GRTP1: variants seen among roughly 807,000 people sequenced by gnomAD.
GRTP1 encodes growth hormone regulated TBC protein 1.
Under a neutral mutation model 38.1 loss-of-function variants are expected in GRTP1, and 56 were observed. The ratio of observed to expected loss-of-function variants is 1.47; its 90% CI spans 1.19 to 1.84. The LOEUF (loss-of-function observed/expected upper bound fraction) is 1.84. GRTP1 is among the 40% of genes most tolerant of loss of function. The pLI, the probability that GRTP1 is intolerant of heterozygous loss-of-function variation, is 0.00. For synonymous variants in GRTP1, 217 were observed against 189.5 expected (o/e 1.14, Z -1.19); for missense variants, 506 against 453.9 (o/e 1.11, Z -1.04).
In GRTP1 at chr13:113,325,835, CCGA is replaced by C. The variant is rs533741127; in HGVS notation, c.744_746del (p.Arg249del). ...CTTCGTTAAACAAACAGTCCCAGATCCGAAGCACTGTCTGCAGAGACATGGGAA... is the reference window on the plus strand; with the variant it reads ...CTTCGTTAAACAAACAGTCCCAGATCAGCACTGTCTGCAGAGACATGGGAA... On this transcript the variant is annotated inframe_deletion, in exon 7 of 8. Transcript: ENST00000375431. 1.8e-4 allele frequency: 284 copies of C among 1,614,034 alleles called. No individual in the cohort carries two copies. Among genetic ancestry groups the C allele is most frequent in the Admixed American group, 1.1e-3 (63 of 59,994 alleles).
intron 5 of GRTP1, among the ~76,000 whole-genome samples, chr13:113,332,602 C>T (rs2042893353): frequency 6.6e-6 from 1 of 152,262 alleles, no homozygotes; most frequent in South Asian, 2.1e-4. Context: ...CCAGATCCCA[C>T]CCGACGGTCT....
At chr13:113,341,045 CTT>C (rs533227191) in intron 5 of GRTP1, among the ~76,000 whole-genome samples, 1 of 145,102 alleles carries the variant, frequency 6.9e-6, no homozygotes, top group Non-Finnish European at 1.5e-5. Context: ...ATATCTTATC[CTT>C]TTTTTTTTTT....
chr13:113,344,823 A>G, intron 5 of GRTP1, 40 bp downstream of exon 5: 1 of 1,568,388 alleles, frequency 6.4e-7, no homozygotes, highest in Non-Finnish European at 8.6e-7. Context: ...AGCACCAGAA[A>G]CAGGACAGTT....
intron 5 of GRTP1, among the ~76,000 whole-genome samples, chr13:113,327,070 CAG>C (rs1468024865): frequency 6.6e-6 from 1 of 152,242 alleles, no homozygotes. Context: ...AAAACGTACT[CAG>C]ATAAATACTT....
chr13:113,329,619 CA>C (rs1369622209), intron 5 of GRTP1, among the ~76,000 whole-genome samples: 2 of 152,240 alleles, frequency 1.3e-5, no homozygotes, highest in Non-Finnish European at 2.9e-5. Flanking sequence ...TAAATTACTG[CA>C]AGATGTGTGG....
intron 5 of GRTP1, among the ~76,000 whole-genome samples, chr13:113,329,560 G>A (rs1415529370): frequency 1.3e-5 from 2 of 151,990 alleles, no homozygotes; most frequent in Admixed American, 6.6e-5. Flanking sequence ...CTCCAGCCTG[G>A]GCAACAGAGT....
intron 2 of GRTP1, among the ~76,000 whole-genome samples, chr13:113,362,439 T>G (rs143075932): frequency 6.4e-4 from 97 of 152,312 alleles, no homozygotes; most frequent in African/African-American, 2.3e-3. Context: ...GATGCATTCG[T>G]GGGAAGCATA....
chr13:113,355,601 C>G, intron 2 of GRTP1, 120 bp from the exon 3 acceptor site: 1 of 1,224,558 alleles, frequency 8.2e-7, no homozygotes, highest in South Asian at 1.8e-5. Context: ...TAAAGAGACC[C>G]AGAACTTCGT....
chr13:113,352,059 C>T (rs993585452), intron 3 of GRTP1: 3 of 149,842 alleles, frequency 2.0e-5, no homozygotes, highest in African/African-American at 7.4e-5. Flanking sequence ...TGCCTCAGAG[C>T]ACATTATTTC....
chr13:113,335,005 G>A (rs1315338374), intron 5 of GRTP1, among the ~76,000 whole-genome samples: 1 of 151,732 alleles, frequency 6.6e-6, no homozygotes, highest in African/African-American at 2.4e-5. Flanking sequence ...TGTATTTTTA[G>A]TAGACACGGG....
intron 4 of GRTP1, 126 bp from the exon 5 acceptor site, chr13:113,345,085 G>A: frequency 9.6e-7 from 1 of 1,036,512 alleles, no homozygotes; most frequent in East Asian, 2.8e-5. Context: ...CTGCATAATT[G>A]CAGAATGATC....
At chr13:113,330,891 CCGGGTGTGTG>C (rs1355262429) in intron 5 of GRTP1, among the ~76,000 whole-genome samples, 2 of 9,242 alleles carry the variant, frequency 2.2e-4, no homozygotes, top group African/African-American at 5.6e-4. Context: ...GCATGGAAAC[CCGGGTGTGTG>C]CATGGGAGCC....
chr13:113,336,476 G>A (rs2042956947), intron 5 of GRTP1, among the ~76,000 whole-genome samples: 1 of 152,132 alleles, frequency 6.6e-6, no homozygotes, highest in African/African-American at 2.4e-5. Context: ...TCAGCACCAG[G>A]CCAGGATTCT....
chr13:113,345,434 A>G (rs867728992), intron 4 of GRTP1, among the ~76,000 whole-genome samples: 114 of 152,384 alleles, frequency 7.5e-4, no homozygotes, highest in African/African-American at 2.6e-3. Flanking sequence ...CACACCTGCC[A>G]AAGGGCGGGT....
chr13:113,325,240 T>A, intron 7 of GRTP1: 1 of 1,198,842 alleles, frequency 8.3e-7, no homozygotes. Context: ...AACTACTGAC[T>A]CCCAGGCCTG....
intron 4 of GRTP1, among the ~76,000 whole-genome samples, chr13:113,350,289 G>C (rs370608568): frequency 6.6e-6 from 1 of 152,090 alleles, no homozygotes; most frequent in African/African-American, 2.4e-5. Flanking sequence ...TCCGGGAGGC[G>C]CAAGGACTCT....
At chr13:113,357,306 G>T (rs969142502) in intron 2 of GRTP1, among the ~76,000 whole-genome samples, 1 of 152,014 alleles carries the variant, frequency 6.6e-6, no homozygotes, top group Non-Finnish European at 1.5e-5. Context: ...TTGGCTGGGC[G>T]TGATGGCTCA....
intron 5 of GRTP1, among the ~76,000 whole-genome samples, chr13:113,335,149 T>C (rs1465421768): frequency 6.6e-6 from 1 of 152,018 alleles, no homozygotes; most frequent in Non-Finnish European, 1.5e-5. Flanking sequence ...AACCTGTCAG[T>C]TTTATAATGC....
chr13:113,324,862 T>G, intron 7 of GRTP1: 1 of 1,068,118 alleles, frequency 9.4e-7, no homozygotes, highest in Non-Finnish European at 1.2e-6. Context: ...AGTCTCACTC[T>G]GTTGCCCAGG....
Sources: allele counts gnomAD v4.1 joint callset (sites outside exome capture counted in the v4.1 genomes callset), GRCh38; gene constraint gnomAD v4.1.1; transcripts MANE v1.5; gene names NCBI Gene and HGNC (gene_info 2026-07-23, HGNC 2026-07-21).